TMEM181: variants seen among roughly 807,000 people sequenced by gnomAD.
TMEM181 encodes the protein G protein-coupled receptor 178.
TMEM181 carries 39 observed loss-of-function variants against 71.9 expected under a neutral mutation model. The observed-to-expected ratio is 0.54, with a 90% CI of 0.42 to 0.71. TMEM181 has a LOEUF of 0.71. Among genes scored for constraint, TMEM181 ranks in the 30% least tolerant of loss-of-function variants. The pLI is 0.00. For synonymous variants in TMEM181, 245 were observed against 228.8 expected (o/e 1.07, Z -0.64); for missense variants, 595 against 583.0 (o/e 1.02, Z -0.21).
intron 10 of TMEM181, chr6:158,611,111 G>A (rs1785278364): frequency 2.0e-6 from 1 of 511,490 alleles, no homozygotes; most frequent in Non-Finnish European, 4.0e-6. Context: ...GTCCCCAAGG[G>A]GCTCCTCAGT....
At chr6:158,537,601 A>AC (rs1781172607) in intron 1 of TMEM181, among the ~76,000 whole-genome samples, 1 of 152,084 alleles carries the variant, frequency 6.6e-6, no homozygotes, top group Non-Finnish European at 1.5e-5. Context: ...TGGCCGATTT[A>AC]CCCAAAGGCT....
At chr6:158,610,306 G>GC (rs1311515634) in intron 10 of TMEM181, 7 of 291,918 alleles carry the variant, frequency 2.4e-5, no homozygotes, top group Non-Finnish European at 3.5e-5. Context: ...ACAGCCAAAG[G>GC]CCCCCCAGAC....
In TMEM181 at chr6:158,578,040, A is replaced by C. The variant is rs562831764; in HGVS notation, c.113-2900A>C. Among the ~76,000 whole-genome samples, 3 of 152,304 alleles carry C rather than the reference A, an allele frequency of 2.0e-5. No individual in the cohort carries two copies. In the South Asian group the frequency reaches 6.2e-4, roughly 32 times the overall value. On this transcript the variant is annotated intron_variant, in intron 2 of 16. Coordinates refer to ENST00000684151, the MANE Select transcript of TMEM181 (RefSeq NM_001376852.1). ...GGGAGGTGGAGGTTGTGGTGAGCTGAGATCGCGCCATTGCACTCCAGCCTG... is the reference window on the plus strand; with the variant it reads ...GGGAGGTGGAGGTTGTGGTGAGCTGCGATCGCGCCATTGCACTCCAGCCTG...
rs1029658588 is a variant in TMEM181 at position 158,632,265 on chromosome 6, C to T, written c.*377C>T. On this transcript the variant is annotated 3_prime_UTR_variant, in exon 17 of 17. Transcript: ENST00000684151. ...GGGCAGCCTGTGACTAGGTCCTCAG[C>T]GTGACAGCATCACCCTCTTTCTTCC... 1.8e-5 allele frequency: 4 copies of T among 224,846 alleles called. No individual in the cohort carries two copies. The highest frequency in any genetic ancestry group is 1.1e-4 in the South Asian group (2 of 17,732). 13.9% of individuals were successfully genotyped at this position (224,846 alleles called of 1,614,324 possible).
intron 2 of TMEM181, among the ~76,000 whole-genome samples, chr6:158,576,455 G>A (rs768027123): frequency 2.6e-5 from 4 of 151,906 alleles, no homozygotes; most frequent in Non-Finnish European, 5.9e-5. Context: ...TACTTCCAGG[G>A]GATTTAAAGG....
intron 6 of TMEM181, among the ~76,000 whole-genome samples, chr6:158,591,767 C>G (rs1784123126): frequency 6.6e-6 from 1 of 152,064 alleles, no homozygotes; most frequent in South Asian, 2.1e-4. Flanking sequence ...TTCTCAGCAC[C>G]TTTCTCCAGA....
chr6:158,630,652 G>A (rs1786607164), intron 15 of TMEM181, among the ~76,000 whole-genome samples: 4 of 151,566 alleles, frequency 2.6e-5, no homozygotes, highest in Non-Finnish European at 5.9e-5. Flanking sequence ...ACCTGACGAT[G>A]GGTTTATCAG....
chr6:158,573,532 C>G lies in TMEM181; in HGVS notation c.112+9C>G, dbSNP rs779775116. On this transcript the variant is annotated intron_variant, in intron 2 of 16. Transcript: ENST00000684151. ...CTTCGTTGGGATCAGAGGTAAGGTT[C>G]GGTTTTTACTCATTGAATCTTTTGC... is the stretch of plus-strand genomic sequence containing the variant. The G allele has an allele frequency of 6.3e-7, 1 of 1,594,900 alleles. No homozygotes were observed. The highest frequency in any genetic ancestry group is 8.5e-7 in the Non-Finnish European group (1 of 1,170,928).
In TMEM181 at chr6:158,633,359, A is replaced by G. The variant is rs1347352909; in HGVS notation, c.*1471A>G. On this transcript the variant is annotated 3_prime_UTR_variant, in exon 17 of 17. Coordinates refer to ENST00000684151, the MANE Select transcript of TMEM181 (RefSeq NM_001376852.1). ...TGGAGCTTCCCCGTTCCTTTCAGTC[A>G]GGGACTCCATATAGAGTCTCATGTG... The G allele has an allele frequency of 2.6e-5, 4 of 152,174 alleles. No individual in the cohort carries two copies. The highest frequency in any genetic ancestry group is 5.9e-5 in the Non-Finnish European group (4 of 68,044). The allele number at this position is 152,174 out of a possible 1,614,324, so 9.4% of individuals were successfully genotyped here. A position where few individuals can be genotyped will look rare whatever the true frequency, so the allele number is the denominator to read the frequency against.
intron 5 of TMEM181, 40 bp from the exon 6 acceptor site, chr6:158,589,632 C>T (rs1783987880): frequency 2.0e-6 from 3 of 1,521,916 alleles, no homozygotes; most frequent in Non-Finnish European, 2.7e-6. Context: ...GAGCGTGAGT[C>T]TCGCTTTCTT....
Position 158,625,096 on chromosome 6 carries a change from C to A in TMEM181, c.955-8C>A, listed in dbSNP as rs201607535. On this transcript the variant is annotated splice_region_variant and splice_polypyrimidine_tract_variant and intron_variant, in intron 11 of 16. Coordinates refer to ENST00000684151, the MANE Select transcript of TMEM181 (RefSeq NM_001376852.1). Reference sequence around the variant, plus strand: ...TTCCGACTCAAGTGCTGCCTTGTGTCCTCCTAGGGAATGAAGGTCTTCTTC... The same window carrying A: ...TTCCGACTCAAGTGCTGCCTTGTGTACTCCTAGGGAATGAAGGTCTTCTTC... 1.2e-6 allele frequency: 2 copies of A among 1,610,762 alleles called. No individual in the cohort carries two copies. Among genetic ancestry groups the A allele is most frequent in the Non-Finnish European group, 1.7e-6 (2 of 1,176,950 alleles).
intron 1 of TMEM181, among the ~76,000 whole-genome samples, chr6:158,571,600 C>T (rs1391156029): frequency 6.6e-6 from 1 of 152,226 alleles, no homozygotes; most frequent in Non-Finnish European, 1.5e-5. Flanking sequence ...GCCCGGCCAT[C>T]TGCAGTGTTA....
In TMEM181 at chr6:158,564,916, T is replaced by A. The variant is rs1582948643; in HGVS notation, c.8+4684T>A. Among the ~76,000 whole-genome samples, 7 of 152,184 alleles carry A rather than the reference T, an allele frequency of 4.6e-5. 1 individual carries two copies. The South Asian group carries it at 1.4e-3, about 32-fold the overall frequency. On this transcript the variant is annotated intron_variant, in intron 1 of 16. Coordinates refer to ENST00000684151, the MANE Select transcript of TMEM181 (RefSeq NM_001376852.1). Reference sequence around the variant, plus strand: ...TACTGCTCAGATCCTAATTTGTCAATTCTCATGTGGGAGATGCCGGCATGA... The same window carrying A: ...TACTGCTCAGATCCTAATTTGTCAAATCTCATGTGGGAGATGCCGGCATGA...
At chr6:158,545,779 C>T (rs1335468387) in intron 1 of TMEM181, among the ~76,000 whole-genome samples, 2 of 151,850 alleles carry the variant, frequency 1.3e-5, no homozygotes, top group Admixed American at 6.6e-5. Context: ...CAGTCTCGAA[C>T]TTCTGGGCTC....
chr6:158,543,077 G>A (rs1036176746), intron 1 of TMEM181, among the ~76,000 whole-genome samples: 3 of 151,780 alleles, frequency 2.0e-5, no homozygotes, highest in Admixed American at 1.3e-4. Flanking sequence ...AGGTTTTACC[G>A]TGTTAGCCAG....
chr6:158,536,808 A>G (rs1781123703), exon 1 of TMEM181: 1 of 1,558,752 alleles, frequency 6.4e-7, no homozygotes, highest in Non-Finnish European at 8.6e-7. Context: ...CGGCTGCGGG[A>G]AGCGTACCGC....
At chr6:158,628,335 T>G (rs4708800) in intron 13 of TMEM181, 73 bp from the exon 14 acceptor site, 1 of 1,413,914 alleles carries the variant, frequency 7.1e-7, no homozygotes. Flanking sequence ...ATGGGGTGAA[T>G]AGAGAATTCT....
intron 15 of TMEM181, 77 bp downstream of exon 15, chr6:158,629,896 G>A (rs1786566094): frequency 4.0e-6 from 5 of 1,237,180 alleles, no homozygotes; most frequent in Middle Eastern, 1.9e-4. Context: ...CCCACTTCCC[G>A]GGTTTCCCAT....
In TMEM181 at chr6:158,632,130, TAC is replaced by T. The variant is rs1233168200; in HGVS notation, c.*244_*245del. 16 of 511,172 alleles carry T rather than the reference TAC, an allele frequency of 3.1e-5. No homozygotes were observed. In the South Asian group the frequency reaches 3.2e-4, roughly 10 times the overall value. 31.7% of individuals were successfully genotyped at this position (511,172 alleles called of 1,614,324 possible). A position where few individuals can be genotyped will look rare whatever the true frequency, so the allele number is the denominator to read the frequency against. ...AAGTTTCAACAGCCAAATCCTTTTT[TAC>T]AGAGATTTCAGATGAGCGTGTTTTC... On this transcript the variant is annotated 3_prime_UTR_variant, in exon 17 of 17. Coordinates refer to ENST00000684151, the MANE Select transcript of TMEM181 (RefSeq NM_001376852.1).
Sources: allele counts gnomAD v4.1 joint callset (sites outside exome capture counted in the v4.1 genomes callset), GRCh38; gene constraint gnomAD v4.1.1; transcripts MANE v1.5; gene names NCBI Gene and HGNC (gene_info 2026-07-23, HGNC 2026-07-21).